The following ZKSCAN8 variants were observed in gnomAD, a reference collection of about 807,000 sequenced individuals.
ZKSCAN8 encodes zinc finger protein with KRAB and SCAN domains 8.
ZKSCAN8 carries 27 observed loss-of-function variants against 57.2 expected under a neutral mutation model. The observed-to-expected ratio is 0.47, with a 90% CI of 0.35 to 0.65. The LOEUF (loss-of-function observed/expected upper bound fraction) is 0.65, where lower values mean the gene tolerates loss of function less well. ZKSCAN8 is among the 30% of genes least tolerant of loss of function. The pLI, the probability that ZKSCAN8 is intolerant of heterozygous loss-of-function variation, is 0.01. For missense variants in ZKSCAN8, 597 were observed against 696.3 expected (o/e 0.86, Z 1.60); for synonymous variants, 214 against 248.7 (o/e 0.86, Z 1.31).
intron 1 of ZKSCAN8, 83 bp from the exon 2 acceptor site, chr6:28,148,233 A>G (rs570060627): frequency 4.4e-4 from 275 of 630,680 alleles, no homozygotes; most frequent in Non-Finnish European, 5.6e-4. Flanking sequence ...AGTCCGTGTC[A>G]TACTAAGGAA....
chr6:28,156,321 ATACAGATG>A lies in ZKSCAN8; in HGVS notation c.*2308_*2315del. The A allele has an allele frequency of 2.5e-6, 1 of 397,560 alleles. No homozygotes were observed. 24.6% of individuals were successfully genotyped at this position (397,560 alleles called of 1,614,324 possible). A position where few individuals can be genotyped will look rare whatever the true frequency, so the allele number is the denominator to read the frequency against. ...AGACCAGAGCAACACATTGAAATGTATACAGATGTACTAGCTAAAGTCTCTTTATGTGT... is the reference window on the plus strand; with the variant it reads ...AGACCAGAGCAACACATTGAAATGTATACTAGCTAAAGTCTCTTTATGTGT... On this transcript the variant is annotated 3_prime_UTR_variant, in exon 6 of 6. Transcript: ENST00000330236.
chr6:28,154,353 G>A lies in ZKSCAN8; in HGVS notation c.*336G>A, dbSNP rs1765712269. Reference sequence around the variant, plus strand: ...AGTAGCTATAGGTTTGAGAGAGGCTGGCTACTCCTAGTTCCTGTGCTTCTT... The same window carrying A: ...AGTAGCTATAGGTTTGAGAGAGGCTAGCTACTCCTAGTTCCTGTGCTTCTT... On this transcript the variant is annotated 3_prime_UTR_variant, in exon 6 of 6. Coordinates refer to ENST00000330236, the MANE Select transcript of ZKSCAN8 (RefSeq NM_006298.4). The A allele has an allele frequency of 5.0e-6, 1 of 198,456 alleles. No individual in the cohort carries two copies. The highest frequency in any genetic ancestry group is 1.3e-4 in the South Asian group (1 of 7,794). The allele number at this position is 198,456 out of a possible 1,614,324, so 12.3% of individuals were successfully genotyped here.
chr6:28,146,477 A>C (rs1312872628), intron 1 of ZKSCAN8, among the ~76,000 whole-genome samples: 4 of 152,206 alleles, frequency 2.6e-5, no homozygotes, highest in African/African-American at 9.7e-5. Flanking sequence ...GTCAAAGAAG[A>C]CTTCAACGGA....
rs1038019403 is a variant in ZKSCAN8 at position 28,158,605 on chromosome 6, C to T, written c.*4588C>T. The T allele has an allele frequency of 7.2e-5, 11 of 152,098 alleles. No individual in the cohort carries two copies. The highest frequency in any genetic ancestry group is 2.7e-4 in the African/African-American group (11 of 41,400). 9.4% of individuals were successfully genotyped at this position (152,098 alleles called of 1,614,324 possible). A position where few individuals can be genotyped will look rare whatever the true frequency, so the allele number is the denominator to read the frequency against. ...CCATGTCCAAAAACTTGCTGTCAGT[C>T]CAGTTTTTAATCAGTTTTCTCCTTG... On this transcript the variant is annotated 3_prime_UTR_variant, in exon 6 of 6. Coordinates refer to ENST00000330236, the MANE Select transcript of ZKSCAN8 (RefSeq NM_006298.4).
Position 28,156,107 on chromosome 6 carries a change from T to G in ZKSCAN8, c.*2090T>G. ...TTCCTGGGGCCAGTATTACCTTGTA[T>G]GCAAATATTACATATGATGGGTGCA... On this transcript the variant is annotated 3_prime_UTR_variant, in exon 6 of 6. Coordinates refer to ENST00000330236, the MANE Select transcript of ZKSCAN8 (RefSeq NM_006298.4). 1 of 398,408 alleles carries G rather than the reference T, an allele frequency of 2.5e-6. No individual in the cohort carries two copies. Among genetic ancestry groups the G allele is most frequent in the Admixed American group, 4.4e-5 (1 of 22,732 alleles). 24.7% of individuals were successfully genotyped at this position (398,408 alleles called of 1,614,324 possible).
chr6:28,153,653 G>C lies in ZKSCAN8; in HGVS notation c.1373G>C (p.Gly458Ala). The C allele has an allele frequency of 6.2e-7, 1 of 1,613,926 alleles. No homozygotes were observed. The highest frequency in any genetic ancestry group is 8.5e-7 in the Non-Finnish European group (1 of 1,179,978). ...ATTGGACATCAGAGAATCCACACTG[G>C]GGAGAAGCCCTATGAGTGTGATGAG... Reference protein sequence around the residue: ...HLIGHQRIHTGEKPYECDECG... With the variant: ...HLIGHQRIHTAEKPYECDECG... Residue 458 changes from glycine (G) to alanine (A), a missense_variant, in exon 6 of 6, where the codon GGG (glycine) becomes GCG (alanine). Coordinates refer to ENST00000330236, the MANE Select transcript of ZKSCAN8 (RefSeq NM_006298.4).
At position 28,153,332 on chromosome 6, in the gene ZKSCAN8, A is replaced by T; in HGVS notation, c.1052A>T (p.Gln351Leu). 6.2e-7 allele frequency: 1 copy of T among 1,614,188 alleles called. No homozygotes were observed. The highest frequency in any genetic ancestry group is 8.5e-7 in the Non-Finnish European group (1 of 1,180,020). ...WRIHTGEKPYQCNVCGKAFSY... is the reference protein window; with the variant it reads ...WRIHTGEKPYLCNVCGKAFSY... ...ATCCACACTGGGGAGAAACCCTATC[A>T]GTGTAATGTGTGTGGTAAAGCCTTC... Residue 351 changes from glutamine (Q) to leucine (L), a missense_variant, in exon 6 of 6, where the codon CAG becomes CTG. Gln to Leu is a moderately radical substitution (Grantham distance 113). Coordinates refer to ENST00000330236, the MANE Select transcript of ZKSCAN8 (RefSeq NM_006298.4).
intron 3 of ZKSCAN8, 88 bp downstream of exon 3, chr6:28,149,712 G>T: frequency 6.7e-7 from 1 of 1,499,660 alleles, no homozygotes; most frequent in South Asian, 1.3e-5. Flanking sequence ...GAAGAACCAG[G>T]AACTAAAATC....
At position 28,151,949 on chromosome 6, in the gene ZKSCAN8, CCTT is replaced by C. The variant is rs1432617806; in HGVS notation, c.651+16_651+18del. ...AGCAGGGTTCCAGGTGAGTTGTGCTCCTTCTCACTGAAACGCCATAGCTGTGCT... is the reference window on the plus strand; with the variant it reads ...AGCAGGGTTCCAGGTGAGTTGTGCTCCTCACTGAAACGCCATAGCTGTGCT... On this transcript the variant is annotated intron_variant, in intron 4 of 5. Coordinates refer to ENST00000330236, the MANE Select transcript of ZKSCAN8 (RefSeq NM_006298.4). 6.2e-7 allele frequency: 1 copy of C among 1,612,748 alleles called. No homozygotes were observed. Among genetic ancestry groups the C allele is most frequent in the Non-Finnish European group, 8.5e-7 (1 of 1,178,746 alleles).
rs1765612322 is a variant in ZKSCAN8, at chr6:28,152,198, G to C, written c.652-63G>C. ...CTCCCAATACTGGTGGATCTCTCAAGCTCTATAGGTTTGAGCTGTGGAACA... is the reference window on the plus strand; with the variant it reads ...CTCCCAATACTGGTGGATCTCTCAACCTCTATAGGTTTGAGCTGTGGAACA... On this transcript the variant is annotated intron_variant, in intron 4 of 5. Coordinates refer to ENST00000330236, the MANE Select transcript of ZKSCAN8 (RefSeq NM_006298.4). 4 of 1,548,434 alleles carry C rather than the reference G, an allele frequency of 2.6e-6. No individual in the cohort carries two copies. In the East Asian group the frequency reaches 9.0e-5, roughly 35 times the overall value.
rs202204908 is a variant in ZKSCAN8, at chr6:28,149,654, G to C, written c.559+30G>C. 38 of 1,610,882 alleles carry C rather than the reference G, an allele frequency of 2.4e-5. No homozygotes were observed. The South Asian group carries it at 3.9e-4, about 16-fold the overall frequency. On this transcript the variant is annotated intron_variant, in intron 3 of 5. Transcript: ENST00000330236. The stretch of plus-strand genomic sequence containing the variant: ...GTAGCCAGATTTCATTGATGATAAG[G>C]GGGGGAAGTACAAATAAAAGTCCAT...
In ZKSCAN8 at chr6:28,155,018, T is replaced by C. The variant is rs1765739456; in HGVS notation, c.*1001T>C. 6.6e-6 allele frequency: 1 copy of C among 152,668 alleles called. No homozygotes were observed. The highest frequency in any genetic ancestry group is 1.5e-5 in the Non-Finnish European group (1 of 68,058). 9.5% of individuals were successfully genotyped at this position (152,668 alleles called of 1,614,324 possible). A position where few individuals can be genotyped will look rare whatever the true frequency, so the allele number is the denominator to read the frequency against. On this transcript the variant is annotated 3_prime_UTR_variant, in exon 6 of 6. Transcript: ENST00000330236. ...ATTACAATACTGCTTTCTCAGGTTC[T>C]TAACAGCCTGTGCAAACTCCCTGAC... is the stretch of plus-strand genomic sequence containing the variant.
At chr6:28,152,063 T>C (rs1765608761) in intron 4 of ZKSCAN8, 127 bp downstream of exon 4, 3 of 1,379,162 alleles carry the variant, frequency 2.2e-6, no homozygotes, top group East Asian at 4.7e-5. Flanking sequence ...AAAATTCTTT[T>C]GCCTAGGGAC....
At chr6:28,142,058 G>C (rs558310758) in intron 1 of ZKSCAN8, 29 bp downstream of exon 1, 1 of 152,500 alleles carries the variant, frequency 6.6e-6, no homozygotes, top group African/African-American at 2.4e-5. Flanking sequence ...TGGGCCGGAG[G>C]AAAGTGGGTG....
chr6:28,150,225 A>C (rs775318449), intron 3 of ZKSCAN8, among the ~76,000 whole-genome samples: 1 of 152,042 alleles, frequency 6.6e-6, no homozygotes, highest in Non-Finnish European at 1.5e-5. Context: ...TTTACTTTGG[A>C]ATAGTTCCTC....
At chr6:28,151,823 CA>C in intron 3 of ZKSCAN8, 21 bp from the exon 4 acceptor site, 1 of 1,603,242 alleles carries the variant, frequency 6.2e-7, no homozygotes, top group Non-Finnish European at 8.5e-7. Flanking sequence ...TGGTCTCATT[CA>C]TAGCTCCTTT....
intron 1 of ZKSCAN8, among the ~76,000 whole-genome samples, chr6:28,146,938 G>C (rs944079475): frequency 6.6e-6 from 1 of 151,972 alleles, no homozygotes; most frequent in African/African-American, 2.4e-5. Flanking sequence ...TGGATCATAG[G>C]CCTAAATGTA....
At chr6:28,145,882 G>A (rs1223680491) in intron 1 of ZKSCAN8, among the ~76,000 whole-genome samples, 1 of 152,098 alleles carries the variant, frequency 6.6e-6, no homozygotes, top group Non-Finnish European at 1.5e-5. Context: ...GATTACATCT[G>A]CAAAGCCCCA....
intron 5 of ZKSCAN8, 32 bp from the exon 6 acceptor site, chr6:28,153,024 C>T (rs2113595503): frequency 6.2e-7 from 1 of 1,607,274 alleles, no homozygotes; most frequent in Admixed American, 1.7e-5. Flanking sequence ...GTGACATTGG[C>T]TTGATGTTTG....
Sources: allele counts gnomAD v4.1 joint callset (sites outside exome capture counted in the v4.1 genomes callset), GRCh38; gene constraint gnomAD v4.1.1; transcripts MANE v1.5; gene names NCBI Gene and HGNC (gene_info 2026-07-23, HGNC 2026-07-21).